The following ARL8A variants were observed in gnomAD, a reference collection of about 807,000 sequenced individuals.
The protein encoded by ARL8A is ARF like GTPase 8A.
Under a neutral mutation model 31.2 loss-of-function variants are expected in ARL8A, and 10 were observed. The ratio of observed to expected loss-of-function variants is 0.32; its 90% CI spans 0.20 to 0.54. The LOEUF (loss-of-function observed/expected upper bound fraction) is 0.54. Ranked by LOEUF, ARL8A falls within the 20% of genes least tolerant of loss-of-function variation. The probability of loss-of-function intolerance (pLI) is 0.93; values close to 1 mark genes in which losing one functional copy is unlikely to be tolerated. For missense variants in ARL8A, 129 were observed against 242.8 expected (o/e 0.53, Z 3.12); for synonymous variants, 70 against 86.9 (o/e 0.81, Z 1.08).
At chr1:202,137,703 C>G (rs926924577) in intron 3 of ARL8A, among the ~76,000 whole-genome samples, 1 of 151,902 alleles carries the variant, frequency 6.6e-6, no homozygotes, top group South Asian at 2.1e-4. Flanking sequence ...GGGAGGGAGA[C>G]AAGTCAATGA....
chr1:202,134,196 C>G lies in ARL8A; in HGVS notation c.*271G>C, dbSNP rs1248049916. ...AAAAGCCAGGGGCGGGGGCTGTGGC[C>G]CAGGGCTGCTGGGAGGGAGGCAGGG... On this transcript the variant is annotated 3_prime_UTR_variant, in exon 7 of 7. Coordinates refer to ENST00000272217, the MANE Select transcript of ARL8A (RefSeq NM_138795.4). The surrounding 1 kb of genome is among the most constrained non-coding windows in gnomAD (Gnocchi z 4.2). 2.0e-6 allele frequency: 1 copy of G among 508,122 alleles called. No homozygotes were observed. The highest frequency in any genetic ancestry group is 3.6e-6 in the Non-Finnish European group (1 of 280,570). The allele number at this position is 508,122 out of a possible 1,614,324, so 31.5% of individuals were successfully genotyped here.
Position 202,138,473 on chromosome 1 carries a change from A to G in ARL8A, c.124-25T>C, listed in dbSNP as rs1328959046. Reference sequence around the variant, plus strand: ...ACTGGAAAGAAGACTCAGAATGGGAAACAGTGCAAAAATCGATATGCCCCC... The same window carrying G: ...ACTGGAAAGAAGACTCAGAATGGGAGACAGTGCAAAAATCGATATGCCCCC... On this transcript the variant is annotated intron_variant, in intron 1 of 6. Coordinates refer to ENST00000272217, the MANE Select transcript of ARL8A (RefSeq NM_138795.4). The surrounding 1 kb of genome is among the most constrained non-coding windows in gnomAD (Gnocchi z 4.4). 3.1e-6 allele frequency: 5 copies of G among 1,608,082 alleles called. No individual in the cohort carries two copies. Among genetic ancestry groups the G allele is most frequent in the Non-Finnish European group, 4.3e-6 (5 of 1,174,696 alleles).
rs1654974025 is a variant in ARL8A, at chr1:202,135,287, G to C, written c.441-67C>G. 2 of 1,534,988 alleles carry C rather than the reference G, an allele frequency of 1.3e-6. No individual in the cohort carries two copies. The highest frequency in any genetic ancestry group is 9.0e-7 in the Non-Finnish European group (1 of 1,108,816). On this transcript the variant is annotated intron_variant, in intron 5 of 6. Coordinates refer to ENST00000272217, the MANE Select transcript of ARL8A (RefSeq NM_138795.4). This position sits in a 1 kb window ranked among gnomAD's most constrained non-coding sequence, Gnocchi z 5.3. ...CCAGGGGGCCTGGGGCTAGGGGACA[G>C]CGGGGCCTTTTTCTTACCTAAGAGG...
rs193112293 is a variant in ARL8A, at chr1:202,142,387, G to T, written c.123+2063C>A. Among the ~76,000 whole-genome samples, 1,093 of 152,358 alleles carry T rather than the reference G, an allele frequency of 7.2e-3. 13 individuals are homozygous for T. Among genetic ancestry groups the T allele is most frequent in the Non-Finnish European group, 0.011 (727 of 68,034 alleles). Reference sequence around the variant, plus strand: ...GTAGGCATGGGAACAGAGCCCAGGGGTCCCAACTCTTCGTTTCTTTCTGGA... The same window carrying T: ...GTAGGCATGGGAACAGAGCCCAGGGTTCCCAACTCTTCGTTTCTTTCTGGA... On this transcript the variant is annotated intron_variant, in intron 1 of 6. Transcript: ENST00000272217.
chr1:202,135,555 T>A lies in ARL8A; in HGVS notation c.373-29A>T. On this transcript the variant is annotated intron_variant, in intron 4 of 6. Coordinates refer to ENST00000272217, the MANE Select transcript of ARL8A (RefSeq NM_138795.4). This position sits in a 1 kb window ranked among gnomAD's most constrained non-coding sequence, Gnocchi z 5.3. ...CGGAGAAGGGAGGGTGAGGATGAGG[T>A]CTAGGGCAGCCGTGCCCAGGTTGTC... The A allele has an allele frequency of 6.2e-7, 1 of 1,612,516 alleles. No homozygotes were observed. The highest frequency in any genetic ancestry group is 8.5e-7 in the Non-Finnish European group (1 of 1,178,698).
Position 202,144,707 on chromosome 1 carries a change from T to G in ARL8A, c.-135A>C, listed in dbSNP as rs4989100. On this transcript the variant is annotated 5_prime_UTR_variant, in exon 1 of 7. Coordinates refer to ENST00000272217, the MANE Select transcript of ARL8A (RefSeq NM_138795.4). The surrounding 1 kb of genome is among the most constrained non-coding windows in gnomAD (Gnocchi z 5.2). ...GTGCGGGCGGAGGCTCGAGCGCGGC[T>G]GCCGACGACTCGCTGCCCCGGAATC... is the stretch of plus-strand genomic sequence containing the variant. 0.6 allele frequency: 565,364 copies of G among 945,678 alleles called. 171,293 individuals are homozygous for G. The highest frequency in any genetic ancestry group is 0.82 in the African/African-American group (46,231 of 56,398). The allele number at this position is 945,678 out of a possible 1,614,324, so 58.6% of individuals were successfully genotyped here.
At chr1:202,141,266 C>T (rs1347387644) in intron 1 of ARL8A, among the ~76,000 whole-genome samples, 1 of 152,152 alleles carries the variant, frequency 6.6e-6, no homozygotes, top group African/African-American at 2.4e-5. Context: ...TCATGCAGCC[C>T]AACCTCTTGT....
chr1:202,139,343 G>C (rs577944523), intron 1 of ARL8A, among the ~76,000 whole-genome samples: 4 of 152,124 alleles, frequency 2.6e-5, no homozygotes, highest in Non-Finnish European at 4.4e-5. Context: ...GGGAGGCTGA[G>C]GGGGCAGATC....
rs181085150 is a variant in ARL8A at position 202,138,169 on chromosome 1, G to A, written c.205-131C>T. 43 of 1,172,750 alleles carry A rather than the reference G, an allele frequency of 3.7e-5. 1 individual carries two copies. The highest frequency in any genetic ancestry group is 5.1e-4 in the Middle Eastern group (2 of 3,942). The allele number at this position is 1,172,750 out of a possible 1,614,324, so 72.6% of individuals were successfully genotyped here. On this transcript the variant is annotated intron_variant, in intron 2 of 6. Coordinates refer to ENST00000272217, the MANE Select transcript of ARL8A (RefSeq NM_138795.4). The surrounding 1 kb of genome is among the most constrained non-coding windows in gnomAD (Gnocchi z 4.4). Reference sequence around the variant, plus strand: ...CCGGCTTCCTCTCCAGTTCTCCCCCGTCTCCACCCGCTCTCCGTCTACCTT... The same window carrying A: ...CCGGCTTCCTCTCCAGTTCTCCCCCATCTCCACCCGCTCTCCGTCTACCTT...
intron 1 of ARL8A, among the ~76,000 whole-genome samples, chr1:202,140,276 C>T (rs1021020028): frequency 3.3e-4 from 49 of 150,516 alleles, no homozygotes; most frequent in Non-Finnish European, 2.5e-4. Flanking sequence ...ACTACAGGCG[C>T]GTGCCACCAT....
Position 202,138,157 on chromosome 1 carries a change from C to A in ARL8A, c.205-119G>T. 8.0e-7 allele frequency: 1 copy of A among 1,257,730 alleles called. No homozygotes were observed. The highest frequency in any genetic ancestry group is 1.9e-5 in the Admixed American group (1 of 52,524). The allele number at this position is 1,257,730 out of a possible 1,614,324, so 77.9% of individuals were successfully genotyped here. ...TCCTCTGCCTCCCCGGCTTCCTCTC[C>A]AGTTCTCCCCCGTCTCCACCCGCTC... is the stretch of plus-strand genomic sequence containing the variant. On this transcript the variant is annotated intron_variant, in intron 2 of 6. Transcript: ENST00000272217. The surrounding 1 kb of genome is among the most constrained non-coding windows in gnomAD (Gnocchi z 4.4).
Position 202,134,161 on chromosome 1 carries a change from C to G in ARL8A, c.*306G>C, listed in dbSNP as rs533646754. 49 of 432,696 alleles carry G rather than the reference C, an allele frequency of 1.1e-4. No homozygotes were observed. Among genetic ancestry groups the G allele is most frequent in the African/African-American group, 9.2e-4 (46 of 50,148 alleles). The allele number at this position is 432,696 out of a possible 1,614,324, so 26.8% of individuals were successfully genotyped here. ...AGTGTTGAAAAGGGAGGTACAAGAGCGGGCCGGGGAAAAGCCAGGGGCGGG... is the reference window on the plus strand; with the variant it reads ...AGTGTTGAAAAGGGAGGTACAAGAGGGGGCCGGGGAAAAGCCAGGGGCGGG... On this transcript the variant is annotated 3_prime_UTR_variant, in exon 7 of 7. Coordinates refer to ENST00000272217, the MANE Select transcript of ARL8A (RefSeq NM_138795.4). The surrounding 1 kb of genome is among the most constrained non-coding windows in gnomAD (Gnocchi z 4.2).
intron 1 of ARL8A, among the ~76,000 whole-genome samples, chr1:202,143,619 T>C (rs1238728868): frequency 6.6e-6 from 1 of 152,232 alleles, no homozygotes; most frequent in Non-Finnish European, 1.5e-5. Context: ...AGAGAGATTT[T>C]AACTCCTTCC....
At chr1:202,143,547 C>G in intron 1 of ARL8A, among the ~76,000 whole-genome samples, 1 of 152,224 alleles carries the variant, frequency 6.6e-6, no homozygotes, top group Non-Finnish European at 1.5e-5. Context: ...CTCTGACAGG[C>G]AGGCCGCAGC....
In ARL8A at chr1:202,135,863, A is replaced by G; in HGVS notation, c.279-63T>C. On this transcript the variant is annotated intron_variant, in intron 3 of 6. Coordinates refer to ENST00000272217, the MANE Select transcript of ARL8A (RefSeq NM_138795.4). This position sits in a 1 kb window ranked among gnomAD's most constrained non-coding sequence, Gnocchi z 5.3. ...ACCACAGGCTGAGGTGGTGCAAGGAAGAGAAGGAGCTGCTGCTTGGAGGTG... is the reference window on the plus strand; with the variant it reads ...ACCACAGGCTGAGGTGGTGCAAGGAGGAGAAGGAGCTGCTGCTTGGAGGTG... The G allele has an allele frequency of 6.9e-7, 1 of 1,445,218 alleles. No homozygotes were observed. The highest frequency in any genetic ancestry group is 1.4e-5 in the African/African-American group (1 of 71,544). 89.5% of individuals were successfully genotyped at this position (1,445,218 alleles called of 1,614,324 possible). A position where few individuals can be genotyped will look rare whatever the true frequency, so the allele number is the denominator to read the frequency against.
chr1:202,138,505 G>C lies in ARL8A; in HGVS notation c.124-57C>G. On this transcript the variant is annotated intron_variant, in intron 1 of 6. Transcript: ENST00000272217. This position sits in a 1 kb window ranked among gnomAD's most constrained non-coding sequence, Gnocchi z 4.4. ...CAAAAATCGATATGCCCCCACCGCA[G>C]ACCAAGAGGCTGCGAGAACCATGCA... 6.5e-7 allele frequency: 1 copy of C among 1,535,600 alleles called. No individual in the cohort carries two copies. Among genetic ancestry groups the C allele is most frequent in the Middle Eastern group, 1.7e-4 (1 of 5,902 alleles).
chr1:202,139,074 G>A (rs1216253408), intron 1 of ARL8A, among the ~76,000 whole-genome samples: 2 of 152,184 alleles, frequency 1.3e-5, no homozygotes, highest in Admixed American at 1.3e-4. Flanking sequence ...CAGGTCTATA[G>A]TAACACCATT....
chr1:202,137,377 A>G (rs567972531), intron 3 of ARL8A, among the ~76,000 whole-genome samples: 1 of 152,168 alleles, frequency 6.6e-6, no homozygotes, highest in East Asian at 1.9e-4. Flanking sequence ...TGGCTCATGC[A>G]TGTAATTTGG....
chr1:202,135,839 C>A lies in ARL8A; in HGVS notation c.279-39G>T. ...CAGGGTGGGGACAAGCATGTTGACA[C>A]CACAGGCTGAGGTGGTGCAAGGAAG... On this transcript the variant is annotated intron_variant, in intron 3 of 6. Transcript: ENST00000272217. The surrounding 1 kb of genome is among the most constrained non-coding windows in gnomAD (Gnocchi z 5.3). 1 of 1,551,460 alleles carries A rather than the reference C, an allele frequency of 6.4e-7. No individual in the cohort carries two copies. The highest frequency in any genetic ancestry group is 2.2e-5 in the East Asian group (1 of 44,556).
Sources: allele counts gnomAD v4.1 joint callset (sites outside exome capture counted in the v4.1 genomes callset), GRCh38; gene constraint gnomAD v4.1.1; non-coding constraint Gnocchi (gnomAD v3.1); transcripts MANE v1.5; gene names NCBI Gene and HGNC (gene_info 2026-07-23, HGNC 2026-07-21).